Variants in ATF2 observed in about 807,000 individuals in gnomAD.
ATF2 encodes the protein activating transcription factor 2.
Under a neutral mutation model 60.6 loss-of-function variants are expected in ATF2, and 24 were observed. The ratio of observed to expected loss-of-function variants is 0.40; its 90% CI spans 0.29 to 0.56. The LOEUF (loss-of-function observed/expected upper bound fraction) is 0.56. Ranked by LOEUF, ATF2 falls within the 20% of genes least tolerant of loss-of-function variation. The pLI, the probability that ATF2 is intolerant of heterozygous loss-of-function variation, is 0.54. For synonymous variants in ATF2, 206 were observed against 215.4 expected (o/e 0.96, Z 0.38); for missense variants, 433 against 607.7 (o/e 0.71, Z 3.02).
chr2:175,106,460 A>AGGC (rs1304025591), intron 10 of ATF2, among the ~76,000 whole-genome samples: 1 of 151,768 alleles, frequency 6.6e-6, no homozygotes, highest in Non-Finnish European at 1.5e-5. Flanking sequence ...TGGGAAGGGG[A>AGGC]GGCTGCAGTG....
chr2:175,080,610 G>C, intron 13 of ATF2, 50 bp downstream of exon 13: 1 of 1,382,524 alleles, frequency 7.2e-7, no homozygotes, highest in Non-Finnish European at 1.0e-6. Flanking sequence ...TCACTCTGAC[G>C]GTATTTCACT....
At position 175,118,369 on chromosome 2, in the gene ATF2, T is replaced by C. The variant is rs1426117150; in HGVS notation, c.200A>G (p.Asp67Gly). 1 of 1,603,538 alleles carries C rather than the reference T, an allele frequency of 6.2e-7. No individual in the cohort carries two copies. Among genetic ancestry groups the C allele is most frequent in the Non-Finnish European group, 8.5e-7 (1 of 1,174,708 alleles). The change falls in exon 6 of 14, where the codon GAT (aspartate) becomes GGT (glycine). Residue 67 changes from aspartate to glycine, a missense_variant and splice_region_variant. Physicochemically the swap from Asp to Gly is moderately conservative, Grantham distance 94 (BLOSUM62 -1). Transcript: ENST00000264110. ...PARNDSVIVA[D>G]QTPTPTRFLK... ...GAATCTTGTTGGTGTTGGGGTCTGATCTGAAATAAATGTCAAGAAGTAATC... is the reference window on the plus strand; with the variant it reads ...GAATCTTGTTGGTGTTGGGGTCTGACCTGAAATAAATGTCAAGAAGTAATC...
intron 10 of ATF2, 110 bp downstream of exon 10, chr2:175,111,458 G>A (rs923795143): frequency 2.4e-5 from 25 of 1,022,162 alleles, no homozygotes; most frequent in Admixed American, 1.5e-4. Context: ...AAAACAGTCC[G>A]TAACTTTATA....
chr2:175,159,107 C>G (rs904451209), intron 1 of ATF2, among the ~76,000 whole-genome samples: 5 of 152,014 alleles, frequency 3.3e-5, no homozygotes, highest in African/African-American at 9.7e-5. Flanking sequence ...TGCTTGAGGT[C>G]AGGAGTTCAA....
At chr2:175,111,121 A>G (rs1257908716) in intron 10 of ATF2, among the ~76,000 whole-genome samples, 1 of 152,186 alleles carries the variant, frequency 6.6e-6, no homozygotes, top group Non-Finnish European at 1.5e-5. Flanking sequence ...ACATCTAAAC[A>G]TTAATTTAAT....
rs191820340 is a variant in ATF2 at position 175,077,870 on chromosome 2, C to T, written c.1291+2790G>A. 5.2e-3 allele frequency among the ~76,000 whole-genome samples: 796 copies of T among 152,202 alleles called. 5 individuals are homozygous for T. The highest frequency in any genetic ancestry group is 0.018 in the African/African-American group (749 of 41,532). ...CAAGCACTAGAGAGATACAGAAAACCATGCTGTACTCAAAGAGCCACTTCC... is the reference window on the plus strand; with the variant it reads ...CAAGCACTAGAGAGATACAGAAAACTATGCTGTACTCAAAGAGCCACTTCC... On this transcript the variant is annotated intron_variant, in intron 13 of 13. Coordinates refer to ENST00000264110, the MANE Select transcript of ATF2 (RefSeq NM_001880.4).
At chr2:175,085,581 CACACACACACACACACAA>C (rs1694108818) in intron 12 of ATF2, among the ~76,000 whole-genome samples, 3 of 149,874 alleles carry the variant, frequency 2.0e-5, no homozygotes, top group South Asian at 4.2e-4. Flanking sequence ...CACACACACA[CACACACACACACACACAA>C]ATTCTCTCTT....
chr2:175,140,871 C>T (rs1010276273), intron 2 of ATF2, among the ~76,000 whole-genome samples: 2 of 147,892 alleles, frequency 1.4e-5, no homozygotes, highest in African/African-American at 2.5e-5. Flanking sequence ...GTGGTATGTG[C>T]GTGTAGTCCT....
intron 10 of ATF2, among the ~76,000 whole-genome samples, chr2:175,098,463 A>G (rs1484980942): frequency 6.6e-6 from 1 of 152,170 alleles, no homozygotes; most frequent in Non-Finnish European, 1.5e-5. Context: ...AGAGTTATGT[A>G]TATTACACTT....
chr2:175,092,662 A>G, intron 12 of ATF2: 1 of 415,218 alleles, frequency 2.4e-6, no homozygotes, highest in South Asian at 1.9e-5. Context: ...TCAAAGAATG[A>G]AATAATTTAA....
At chr2:175,084,642 A>T (rs1480893493) in intron 12 of ATF2, among the ~76,000 whole-genome samples, 4 of 127,378 alleles carry the variant, frequency 3.1e-5, no homozygotes, top group African/African-American at 1.1e-4. Context: ...CTTAAAGTAT[A>T]AAAAAAAAAA....
At position 175,097,471 on chromosome 2, in the gene ATF2, C is replaced by T; in HGVS notation, c.951G>A (p.Gln317=). ...SEESRPQSLQ[Q]PATSTTETPA... Reference sequence around the variant, plus strand: ...GAGTTTCTGTAGTGGATGTGGCTGGCTGTTGTAATGACTGCGGTCGAGATT... The same window carrying T: ...GAGTTTCTGTAGTGGATGTGGCTGGTTGTTGTAATGACTGCGGTCGAGATT... Residue 317 remains glutamine (Q), a synonymous_variant, in exon 11 of 14, where the codon CAG becomes CAA. Coordinates refer to ENST00000264110, the MANE Select transcript of ATF2 (RefSeq NM_001880.4). 1.2e-6 allele frequency: 2 copies of T among 1,614,066 alleles called. No individual in the cohort carries two copies. The highest frequency in any genetic ancestry group is 1.7e-6 in the Non-Finnish European group (2 of 1,179,976).
chr2:175,135,997 A>G (rs991654799), intron 3 of ATF2, among the ~76,000 whole-genome samples: 1 of 147,986 alleles, frequency 6.8e-6, no homozygotes, highest in Non-Finnish European at 1.5e-5. Context: ...GCTAAAATAT[A>G]CTTTTCTTTC....
At chr2:175,103,263 G>A (rs1353369486) in intron 10 of ATF2, among the ~76,000 whole-genome samples, 2 of 152,128 alleles carry the variant, frequency 1.3e-5, no homozygotes, top group Non-Finnish European at 2.9e-5. Flanking sequence ...CTTCTCCTGG[G>A]TGTTATCCTA....
At chr2:175,152,805 C>T (rs1469410769) in intron 1 of ATF2, among the ~76,000 whole-genome samples, 2 of 152,148 alleles carry the variant, frequency 1.3e-5, no homozygotes, top group Non-Finnish European at 2.9e-5. Flanking sequence ...GTATATTCAG[C>T]CATACAAATG....
At chr2:175,167,849 C>T in intron 1 of ATF2, 1 of 408,428 alleles carries the variant, frequency 2.4e-6, no homozygotes, top group Non-Finnish European at 5.2e-6. Flanking sequence ...CAGTCAGGTT[C>T]CCAAAGCCCA....
chr2:175,131,153 T>C (rs1574442400), intron 3 of ATF2, among the ~76,000 whole-genome samples: 1 of 152,238 alleles, frequency 6.6e-6, no homozygotes, highest in East Asian at 1.9e-4. Context: ...ACAAAAGTTT[T>C]ATTGCTTTAT....
chr2:175,159,193 A>C (rs1699866641), intron 1 of ATF2, among the ~76,000 whole-genome samples: 1 of 151,908 alleles, frequency 6.6e-6, no homozygotes, highest in Non-Finnish European at 1.5e-5. Context: ...GGTGGCGGAG[A>C]CTATAGTTCC....
At chr2:175,137,536 A>G (rs1333226495) in intron 2 of ATF2, among the ~76,000 whole-genome samples, 1 of 152,212 alleles carries the variant, frequency 6.6e-6, no homozygotes, top group Non-Finnish European at 1.5e-5. Context: ...ACAAAGATGA[A>G]GAAAACTCTC....
Sources: allele counts gnomAD v4.1 joint callset (sites outside exome capture counted in the v4.1 genomes callset), GRCh38; gene constraint gnomAD v4.1.1; transcripts MANE v1.5; gene names NCBI Gene and HGNC (gene_info 2026-07-23, HGNC 2026-07-21).